Variants in PITPNC1 observed in about 807,000 individuals in gnomAD.
The protein encoded by PITPNC1 is cytoplasmic phosphatidylinositol transfer protein 1.
Under a neutral mutation model 44.7 loss-of-function variants are expected in PITPNC1, and 18 were observed. The ratio of observed to expected loss-of-function variants is 0.40; its 90% confidence interval spans 0.28 to 0.60. The LOEUF (loss-of-function observed/expected upper bound fraction) is 0.60, where lower values mean the gene tolerates loss of function less well. Ranked by LOEUF, PITPNC1 falls within the 20% of genes least tolerant of loss-of-function variation. PITPNC1 has a pLI of 0.39. For missense variants in PITPNC1, 290 were observed against 418.4 expected, an observed-to-expected ratio of 0.69 and a Z score of 2.68; for synonymous variants, 141 against 149.6, an observed-to-expected ratio of 0.94 and a Z score of 0.42.
Position 67,681,289 on chromosome 17 carries a change from A to G in PITPNC1, c.682+5747A>G, listed in dbSNP as rs551256663. Among the ~76,000 whole-genome samples the G allele has an allele frequency of 3.3e-5, 5 of 152,312 alleles. No homozygotes were observed. The South Asian group carries it at 1.0e-3, about 32-fold the overall frequency. On this transcript the variant is annotated intron_variant, in intron 8 of 8. Coordinates refer to ENST00000581322, the MANE Select transcript of PITPNC1 (RefSeq NM_012417.4). Reference sequence around the variant, plus strand: ...TGCTGCATATGTAGTCAACAGGATTACCATCTATAATATATAAAGAGGTCC... The same window carrying G: ...TGCTGCATATGTAGTCAACAGGATTGCCATCTATAATATATAAAGAGGTCC...
intron 6 of PITPNC1, among the ~76,000 whole-genome samples, chr17:67,647,182 C>T (rs1312937406): frequency 7.9e-5 from 12 of 152,168 alleles, no homozygotes; most frequent in African/African-American, 2.7e-4. Context: ...GAGAAGTTTC[C>T]TCTTTACAAA....
intron 8 of PITPNC1, among the ~76,000 whole-genome samples, chr17:67,684,789 C>T (rs2042782728): frequency 6.6e-6 from 1 of 152,172 alleles, no homozygotes; most frequent in African/African-American, 2.4e-5. Context: ...CATTGCTGAA[C>T]AAGGCAGCAA....
chr17:67,554,253 AT>A (rs11413972), intron 4 of PITPNC1, among the ~76,000 whole-genome samples: 24,716 of 110,470 alleles, frequency 0.22, 1,249 homozygotes, highest in Non-Finnish European at 0.29. Flanking sequence ...ATAGTTTATG[AT>A]TTTTTTTTTT....
At chr17:67,671,458 C>T (rs2042510361) in intron 7 of PITPNC1, among the ~76,000 whole-genome samples, 1 of 152,170 alleles carries the variant, frequency 6.6e-6, no homozygotes, top group South Asian at 2.1e-4. Flanking sequence ...AACCTTAATG[C>T]ACTGAGCTTT....
Position 67,498,616 on chromosome 17 carries a change from T to C in PITPNC1, c.49-34186T>C, listed in dbSNP as rs1374571890. 8.5e-5 allele frequency among the ~76,000 whole-genome samples: 13 copies of C among 152,216 alleles called. 1 individual carries two copies. The highest frequency in any genetic ancestry group is 8.5e-4 in the Admixed American group (13 of 15,284). The stretch of plus-strand genomic sequence containing the variant: ...TCCAGTTTTAATTTTGTTAGGAAGC[T>C]TCGTATTGTTCTCCATAGCGGCTGT... On this transcript the variant is annotated intron_variant, in intron 1 of 8. Coordinates refer to ENST00000581322, the MANE Select transcript of PITPNC1 (RefSeq NM_012417.4).
At chr17:67,419,979 GTCTA>G (rs2038648027) in intron 1 of PITPNC1, among the ~76,000 whole-genome samples, 1 of 151,962 alleles carries the variant, frequency 6.6e-6, no homozygotes, top group African/African-American at 2.4e-5. Flanking sequence ...ATCCACATCT[GTCTA>G]TCCATCCGTA....
rs2040131370 is a variant in PITPNC1 at position 67,508,091 on chromosome 17, TC to T, written c.49-24708del. 6.6e-6 allele frequency among the ~76,000 whole-genome samples: 1 copy of T among 152,148 alleles called. No individual in the cohort carries two copies. The highest frequency in any genetic ancestry group is 2.1e-4 in the South Asian group (1 of 4,830). On this transcript the variant is annotated intron_variant, in intron 1 of 8. Coordinates refer to ENST00000581322, the MANE Select transcript of PITPNC1 (RefSeq NM_012417.4). The surrounding 1 kb of genome is among the most constrained non-coding windows in gnomAD (Gnocchi z 4.2). The stretch of plus-strand genomic sequence containing the variant: ...TAATTCCCAAGAGTAATCTCCGTTC[TC>T]CCATCCTACCAGTTACGCAGCCAGA...
chr17:67,621,138 C>T (rs1442459633), intron 5 of PITPNC1, among the ~76,000 whole-genome samples: 3 of 150,644 alleles, frequency 2.0e-5, no homozygotes, highest in Non-Finnish European at 3.0e-5. Flanking sequence ...TGAGTTCCCT[C>T]CTTGCTGAAT....
intron 8 of PITPNC1, among the ~76,000 whole-genome samples, chr17:67,685,159 GTTA>G (rs1460091889): frequency 2.0e-5 from 3 of 152,230 alleles, no homozygotes; most frequent in African/African-American, 7.2e-5. Context: ...AGAATGTGTT[GTTA>G]TTATTAACTA....
intron 1 of PITPNC1, among the ~76,000 whole-genome samples, chr17:67,381,742 G>A (rs1409995088): frequency 6.6e-6 from 1 of 152,198 alleles, no homozygotes; most frequent in Admixed American, 6.5e-5. Context: ...GTGAGCCACC[G>A]CGCCCGGCCT....
At chr17:67,425,855 A>G (rs2038757314) in intron 1 of PITPNC1, among the ~76,000 whole-genome samples, 1 of 152,128 alleles carries the variant, frequency 6.6e-6, no homozygotes, top group Admixed American at 6.6e-5. Context: ...AAGGCCAGAA[A>G]GTAAATATTT....
intron 4 of PITPNC1, among the ~76,000 whole-genome samples, chr17:67,557,255 G>T (rs989392338): frequency 2.0e-5 from 3 of 152,084 alleles, no homozygotes; most frequent in African/African-American, 7.2e-5. Context: ...CATCATGAGG[G>T]CCCCACCCTC....
At chr17:67,422,807 G>C (rs1357614230) in intron 1 of PITPNC1, among the ~76,000 whole-genome samples, 1 of 152,118 alleles carries the variant, frequency 6.6e-6, no homozygotes, top group African/African-American at 2.4e-5. Context: ...CCAAAGTGCT[G>C]GGAATAAAAG....
intron 4 of PITPNC1, among the ~76,000 whole-genome samples, chr17:67,565,599 C>T (rs59224920): frequency 1 from 4,126 of 4,128 alleles, 2,063 homozygotes; most frequent in Non-Finnish European, 1. Flanking sequence ...ATACTTGTTT[C>T]CCATGTTTTC....
At chr17:67,665,958 A>G (rs1270508207) in intron 6 of PITPNC1, among the ~76,000 whole-genome samples, 1 of 151,484 alleles carries the variant, frequency 6.6e-6, no homozygotes, top group Non-Finnish European at 1.5e-5. Flanking sequence ...CTCTTGCCTC[A>G]GCCTCCCTAG....
chr17:67,518,397 G>A (rs1320455781), intron 1 of PITPNC1, among the ~76,000 whole-genome samples: 2 of 152,154 alleles, frequency 1.3e-5, no homozygotes, highest in Admixed American at 1.3e-4. Context: ...AGCCCCCTAA[G>A]AATTAACCAT....
At chr17:67,550,300 C>A (rs1745337325) in intron 2 of PITPNC1, among the ~76,000 whole-genome samples, 1 of 152,032 alleles carries the variant, frequency 6.6e-6, no homozygotes, top group Non-Finnish European at 1.5e-5. Flanking sequence ...ACTCCACTTC[C>A]GGGGAACTTT....
chr17:67,618,570 G>A (rs543281468), intron 5 of PITPNC1, among the ~76,000 whole-genome samples: 1 of 151,672 alleles, frequency 6.6e-6, no homozygotes, highest in East Asian at 2.0e-4. Flanking sequence ...GGCCAACATG[G>A]TGAAACCCCG....
At chr17:67,596,917 A>G (rs2041468039) in intron 5 of PITPNC1, among the ~76,000 whole-genome samples, 1 of 151,564 alleles carries the variant, frequency 6.6e-6, no homozygotes, top group South Asian at 2.1e-4. Context: ...TTTTTGAGAC[A>G]GAGTCTTCCT....
Sources: gnomAD v4.1 joint callset for allele counts (sites outside exome capture counted in the v4.1 genomes callset) on GRCh38, gnomAD v4.1.1 for gene constraint, Gnocchi (gnomAD v3.1) non-coding constraint, MANE v1.5 for transcripts, NCBI Gene and HGNC (gene_info 2026-07-23, HGNC 2026-07-21) for gene names.